CELF5: variants seen among roughly 807,000 people sequenced by gnomAD.
CELF5 encodes CUGBP Elav-like family member 5, also known as CUG-BP and ETR-3 like factor 5.
Under a neutral mutation model 54.9 loss-of-function variants are expected in CELF5, and 6 were observed. The observed-to-expected ratio is 0.11, with a 90% confidence interval of 0.06 to 0.22. CELF5 has a LOEUF of 0.22. Among genes scored for constraint, CELF5 ranks in the 10% least tolerant of loss-of-function variants. CELF5 has a pLI of 1.00. For missense variants in CELF5, 401 were observed against 678.6 expected, an observed-to-expected ratio of 0.59 and a Z score of 4.54; for synonymous variants, 271 against 290.9, an observed-to-expected ratio of 0.93 and a Z score of 0.70.
intron 2 of CELF5, among the ~76,000 whole-genome samples, chr19:3,253,268 A>G (rs1401903710): frequency 6.6e-6 from 1 of 152,168 alleles, no homozygotes; most frequent in Non-Finnish European, 1.5e-5. Context: ...CAAAATAAAG[A>G]CTTCAAACAA....
chr19:3,225,480 C>CCCCCAAAAA, intron 1 of CELF5: 1 of 670,804 alleles, frequency 1.5e-6, no homozygotes, highest in Non-Finnish European at 1.8e-6. Context: ...CCCCCACCCC[C>CCCCCAAAAA]ATTCATTCAG....
intron 1 of CELF5, among the ~76,000 whole-genome samples, chr19:3,230,674 C>T (rs1030432884): frequency 2.4e-4 from 36 of 152,290 alleles, no homozygotes; most frequent in African/African-American, 7.7e-4. Context: ...GCATGGGAAG[C>T]GGGCTTCACA....
chr19:3,259,349 T>C (rs1385939713), intron 2 of CELF5, among the ~76,000 whole-genome samples: 1 of 152,078 alleles, frequency 6.6e-6, no homozygotes, highest in African/African-American at 2.4e-5. Flanking sequence ...GCACCTGGCA[T>C]GGAGTAGGTG....
At chr19:3,285,891 C>A in intron 9 of CELF5, 51 bp from the exon 10 acceptor site, 1 of 1,415,150 alleles carries the variant, frequency 7.1e-7, no homozygotes, top group Non-Finnish European at 9.3e-7. Context: ...CCAGGCCGCC[C>A]ACGTGGCCTC....
Position 3,228,468 on chromosome 19 carries a change from G to T in CELF5, c.259+3470G>T, listed in dbSNP as rs151328347. The stretch of plus-strand genomic sequence containing the variant: ...CTGTCTATGGATGGTGGCTGCCTGG[G>T]TGCCCACCCTGCCAGGGGAAGGTGC... On this transcript the variant is annotated intron_variant, in intron 1 of 12. Transcript: ENST00000292672. This position sits in a 1 kb window ranked among gnomAD's most constrained non-coding sequence, Gnocchi z 6.0. 6.0e-3 allele frequency among the ~76,000 whole-genome samples: 909 copies of T among 152,350 alleles called. 4 individuals are homozygous for T. Among genetic ancestry groups the T allele is most frequent in the Middle Eastern group, 0.027 (8 of 294 alleles).
At chr19:3,270,381 C>T (rs1385530310) in intron 2 of CELF5, among the ~76,000 whole-genome samples, 4 of 150,800 alleles carry the variant, frequency 2.7e-5, no homozygotes, top group African/African-American at 9.7e-5. Flanking sequence ...GCAGAGACCT[C>T]GGTGGGACAG....
chr19:3,278,023 T>G lies in CELF5; in HGVS notation c.524-8T>G, dbSNP rs776866975. ...CACCCTCTACCTCTTCTTCTTCTCT[T>G]GGAGCAGGCTGTGCTTTCGTGAAGT... On this transcript the variant is annotated splice_region_variant and splice_polypyrimidine_tract_variant and intron_variant, in intron 4 of 12. Coordinates refer to ENST00000292672, the MANE Select transcript of CELF5 (RefSeq NM_021938.4). The surrounding 1 kb of genome is among the most constrained non-coding windows in gnomAD (Gnocchi z 4.5). The G allele has an allele frequency of 8.1e-6, 13 of 1,613,360 alleles. No individual in the cohort carries two copies. The highest frequency in any genetic ancestry group is 1.1e-5 in the Non-Finnish European group (13 of 1,179,420).
At chr19:3,233,482 C>T (rs1917368412) in intron 1 of CELF5, among the ~76,000 whole-genome samples, 1 of 152,128 alleles carries the variant, frequency 6.6e-6, no homozygotes. Context: ...GACAGCTTTC[C>T]TTGGGGGCCA....
chr19:3,249,312 C>T (rs2079615129), intron 1 of CELF5, among the ~76,000 whole-genome samples: 1 of 152,148 alleles, frequency 6.6e-6, no homozygotes, highest in African/African-American at 2.4e-5. Flanking sequence ...GTGTGCAATC[C>T]CTACCCCACC....
chr19:3,232,568 A>C (rs1917320483), intron 1 of CELF5, among the ~76,000 whole-genome samples: 1 of 152,130 alleles, frequency 6.6e-6, no homozygotes, highest in Admixed American at 6.6e-5. Context: ...AGAAAAAAAA[A>C]AATGTGGTGT....
chr19:3,284,894 G>C lies in CELF5; in HGVS notation c.1040-8G>C. ...CCCGCCCCACTCAGCCCCTCTGTCT[G>C]CCCGCAGCTCAGAGCCCGACTGTGG... On this transcript the variant is annotated splice_region_variant and splice_polypyrimidine_tract_variant and intron_variant, in intron 8 of 12. Coordinates refer to ENST00000292672, the MANE Select transcript of CELF5 (RefSeq NM_021938.4). 2 of 1,611,944 alleles carry C rather than the reference G, an allele frequency of 1.2e-6. No individual in the cohort carries two copies. Among genetic ancestry groups the C allele is most frequent in the Non-Finnish European group, 1.7e-6 (2 of 1,178,990 alleles).
chr19:3,273,390 C>T lies in CELF5; in HGVS notation c.343-482C>T, dbSNP rs1243307290. Among the ~76,000 whole-genome samples, 4 of 152,038 alleles carry T rather than the reference C, an allele frequency of 2.6e-5. No homozygotes were observed. The East Asian group carries it at 7.8e-4, about 30-fold the overall frequency. ...CCTACTGAGGAGGAGGGGCCTCCTCCTGGGCCTATCCACCTGGCAGTCTCA... is the reference window on the plus strand; with the variant it reads ...CCTACTGAGGAGGAGGGGCCTCCTCTTGGGCCTATCCACCTGGCAGTCTCA... On this transcript the variant is annotated intron_variant, in intron 2 of 12. Transcript: ENST00000292672.
intron 8 of CELF5, among the ~76,000 whole-genome samples, chr19:3,283,352 T>A (rs1001335829): frequency 6.6e-6 from 1 of 152,176 alleles, no homozygotes; most frequent in Non-Finnish European, 1.5e-5. Flanking sequence ...TTAATTATTT[T>A]TATTTATTTA....
At chr19:3,277,829 C>T (rs903626789) in intron 4 of CELF5, among the ~76,000 whole-genome samples, 2 of 152,180 alleles carry the variant, frequency 1.3e-5, no homozygotes, top group African/African-American at 4.8e-5. Flanking sequence ...GTGTGATTCT[C>T]CTCCATTCTG....
In CELF5 at chr19:3,289,681, C is replaced by CAAAAAAAAAAAAAAAAAAAAAA. The variant is rs35144942; in HGVS notation, c.1187-537_1187-516dup. ...TGGGCGACAGAGCGAGACTCCATCT[C>CAAAAAAAAAAAAAAAAAAAAAA]AAAAAAAAAAAAAAAAAAAAAAAAA... is the stretch of plus-strand genomic sequence containing the variant. On this transcript the variant is annotated intron_variant, in intron 10 of 12. Coordinates refer to ENST00000292672, the MANE Select transcript of CELF5 (RefSeq NM_021938.4). Among the ~76,000 whole-genome samples, 6 of 47,136 alleles carry CAAAAAAAAAAAAAAAAAAAAAA rather than the reference C, an allele frequency of 1.3e-4. 1 individual carries two copies. Among genetic ancestry groups the CAAAAAAAAAAAAAAAAAAAAAA allele is most frequent in the African/African-American group, 6.0e-4 (6 of 10,010 alleles). 30.9% of individuals were successfully genotyped at this position (47,136 alleles called of 152,430 possible).
At chr19:3,256,176 A>G in intron 2 of CELF5, among the ~76,000 whole-genome samples, 1 of 152,092 alleles carries the variant, frequency 6.6e-6, no homozygotes, top group Non-Finnish European at 1.5e-5. Context: ...CCAGACACTG[A>G]CGACCCAGCC....
chr19:3,285,748 G>A (rs1324173274), intron 9 of CELF5, among the ~76,000 whole-genome samples, 194 bp from the exon 10 acceptor site: 1 of 84,550 alleles, frequency 1.2e-5, no homozygotes, highest in African/African-American at 4.4e-5. Flanking sequence ...GCCCCTCCCC[G>A]TTTCGTCTGT....
At position 3,282,568 on chromosome 19, in the gene CELF5, A is replaced by C; in HGVS notation, c.1039+70A>C. The C allele has an allele frequency of 5.3e-6, 8 of 1,520,902 alleles. No homozygotes were observed. Among genetic ancestry groups the C allele is most frequent in the Non-Finnish European group, 6.2e-6 (7 of 1,125,428 alleles). 94.2% of individuals were successfully genotyped at this position (1,520,902 alleles called of 1,614,324 possible). A position where few individuals can be genotyped will look rare whatever the true frequency, so the allele number is the denominator to read the frequency against. On this transcript the variant is annotated intron_variant, in intron 8 of 12. Coordinates refer to ENST00000292672, the MANE Select transcript of CELF5 (RefSeq NM_021938.4). This position sits in a 1 kb window ranked among gnomAD's most constrained non-coding sequence, Gnocchi z 5.2. ...TAAAGATGGTGTTTCTGGAACAAGT[A>C]TGAGTCCCTACATCACAGTGCCCAG...
Position 3,228,054 on chromosome 19 carries a change from G to A in CELF5, c.259+3056G>A, listed in dbSNP as rs549706889. 7.2e-5 allele frequency among the ~76,000 whole-genome samples: 11 copies of A among 152,186 alleles called. No homozygotes were observed. The highest frequency in any genetic ancestry group is 1.3e-4 in the Admixed American group (2 of 15,290). ...GGCAGGGGTAGGGGGAGAGGGATGC[G>A]TCGAGGTGGTCTTCCGAAAGAGGGC... On this transcript the variant is annotated intron_variant, in intron 1 of 12. Coordinates refer to ENST00000292672, the MANE Select transcript of CELF5 (RefSeq NM_021938.4). This position sits in a 1 kb window ranked among gnomAD's most constrained non-coding sequence, Gnocchi z 6.0.
Sources: gnomAD v4.1 joint callset for allele counts (sites outside exome capture counted in the v4.1 genomes callset) on GRCh38, gnomAD v4.1.1 for gene constraint, Gnocchi (gnomAD v3.1) non-coding constraint, MANE v1.5 for transcripts, NCBI Gene and HGNC (gene_info 2026-07-23, HGNC 2026-07-21) for gene names.